NTM: variants seen among roughly 807,000 people sequenced by gnomAD.
The protein encoded by NTM is IgLON family member 2.
NTM carries 13 observed loss-of-function variants against 42.1 expected under a neutral mutation model. That is an observed-to-expected ratio of 0.31 (90% CI 0.20 to 0.49). NTM has a LOEUF of 0.49. Among genes scored for constraint, NTM ranks in the 20% least tolerant of loss-of-function variants. NTM has a pLI of 0.99. For missense variants in NTM, 373 were observed against 452.8 expected (o/e 0.82, Z 1.60); for synonymous variants, 187 against 179.2 (o/e 1.04, Z -0.35).
At chr11:131,434,865 A>G (rs1307593445) in intron 1 of NTM, among the ~76,000 whole-genome samples, 4 of 152,328 alleles carry the variant, frequency 2.6e-5, no homozygotes, top group Non-Finnish European at 4.4e-5. Context: ...GTCCTCGCCC[A>G]TGCCTATGTC....
At chr11:132,189,119 G>A (rs1429330695) in intron 3 of NTM, among the ~76,000 whole-genome samples, 3 of 152,084 alleles carry the variant, frequency 2.0e-5, no homozygotes, top group Non-Finnish European at 4.4e-5. Flanking sequence ...GGCAGGTGGT[G>A]GATGATAGAA....
At chr11:132,220,116 A>G (rs1037474955) in intron 4 of NTM, among the ~76,000 whole-genome samples, 1 of 152,244 alleles carries the variant, frequency 6.6e-6, no homozygotes, top group Non-Finnish European at 1.5e-5. Flanking sequence ...TTGCATCATA[A>G]TGGAAAGTGG....
At chr11:131,588,305 C>G (rs2059060732) in intron 1 of NTM, among the ~76,000 whole-genome samples, 1 of 152,242 alleles carries the variant, frequency 6.6e-6, no homozygotes, top group South Asian at 2.1e-4. Flanking sequence ...ACCCAAGAGA[C>G]AGTGAGAGCT....
intron 1 of NTM, among the ~76,000 whole-genome samples, chr11:131,699,104 A>T (rs541551089): frequency 6.6e-6 from 1 of 152,342 alleles, no homozygotes; most frequent in East Asian, 1.9e-4. Flanking sequence ...CTTGTAAATT[A>T]TACCTTAACA....
In NTM at chr11:131,842,049, G is replaced by A. The variant is rs1005546313; in HGVS notation, c.83-69515G>A. Among the ~76,000 whole-genome samples, 7 of 152,238 alleles carry A rather than the reference G, an allele frequency of 4.6e-5. No homozygotes were observed. The South Asian group carries it at 8.3e-4, about 18-fold the overall frequency. On this transcript the variant is annotated intron_variant, in intron 1 of 8. Transcript: ENST00000683400. ...AGAAACGTATGGATCATACAAAACC[G>A]GTTACCCCAACTTGCACCACATGAG...
chr11:131,552,870 T>C (rs912456944), intron 1 of NTM, among the ~76,000 whole-genome samples: 7 of 151,740 alleles, frequency 4.6e-5, no homozygotes, highest in Admixed American at 2.0e-4. Context: ...ATGTCCATCA[T>C]AGAATGAAGA....
chr11:131,905,148 C>T (rs540149751), intron 1 of NTM, among the ~76,000 whole-genome samples: 1 of 152,334 alleles, frequency 6.6e-6, no homozygotes, highest in African/African-American at 2.4e-5. Flanking sequence ...ATCTCATCCT[C>T]ACAGCAGTAC....
rs115256228 is a variant in NTM, at chr11:131,578,645, C to T, written c.82+207757C>T. ...CAAACTATATGAAATTCAAAATTGG[C>T]TTTGTTACTTCCCAGCTGTGAACCC... On this transcript the variant is annotated intron_variant, in intron 1 of 8. Coordinates refer to ENST00000683400, the MANE Select transcript of NTM (RefSeq NM_001352005.2). 4.6e-3 allele frequency among the ~76,000 whole-genome samples: 707 copies of T among 152,246 alleles called. 6 individuals are homozygous for T. Among genetic ancestry groups the T allele is most frequent in the Middle Eastern group, 0.024 (7 of 292 alleles).
chr11:132,122,543 G>A (rs1490385481), intron 2 of NTM, among the ~76,000 whole-genome samples: 1 of 152,196 alleles, frequency 6.6e-6, no homozygotes. Flanking sequence ...ACCTGGCGGG[G>A]AGGAAAAGAA....
At chr11:131,804,053 C>T (rs940069967) in intron 1 of NTM, among the ~76,000 whole-genome samples, 1 of 152,198 alleles carries the variant, frequency 6.6e-6, no homozygotes, top group Non-Finnish European at 1.5e-5. Context: ...AAATCTGTCT[C>T]TCAGGCCTGC....
intron 1 of NTM, among the ~76,000 whole-genome samples, chr11:131,823,409 T>C (rs1400012105): frequency 2.6e-5 from 4 of 152,160 alleles, no homozygotes; most frequent in African/African-American, 4.8e-5. Context: ...GTTAACTGTA[T>C]TATACACAGA....
At position 131,533,951 on chromosome 11, in the gene NTM, G is replaced by A. The variant is rs141850563; in HGVS notation, c.82+163063G>A. The A allele has an allele frequency of 9.9e-3, 1,515 of 152,408 alleles. 12 individuals are homozygous for A. Among genetic ancestry groups the A allele is most frequent in the South Asian group, 0.019 (93 of 4,822 alleles). The allele number at this position is 152,408 out of a possible 1,614,324, so 9.4% of individuals were successfully genotyped here. On this transcript the variant is annotated intron_variant, in intron 1 of 8. Coordinates refer to ENST00000683400, the MANE Select transcript of NTM (RefSeq NM_001352005.2). ...CCCACCCAGGGAGGGATCCAGGGAC[G>A]CGTGTATTTCTCCGTTCACCTCTCA...
At chr11:131,867,859 A>T in intron 1 of NTM, among the ~76,000 whole-genome samples, 1 of 152,182 alleles carries the variant, frequency 6.6e-6, no homozygotes, top group East Asian at 1.9e-4. Context: ...CACCACCAGC[A>T]GATGGAGCTG....
intron 1 of NTM, among the ~76,000 whole-genome samples, chr11:131,793,531 TG>T (rs2091204920): frequency 6.6e-6 from 1 of 152,220 alleles, no homozygotes; most frequent in South Asian, 2.1e-4. Context: ...GTAGCAGAGA[TG>T]TTAAACAATT....
At chr11:131,795,514 T>G in intron 1 of NTM, 1 of 985,394 alleles carries the variant, frequency 1.0e-6, no homozygotes, top group Non-Finnish European at 1.2e-6. Flanking sequence ...TCTTGTTTAT[T>G]CGTCTGTCTC....
chr11:131,410,350 GTGGT>G (rs1473176160), intron 1 of NTM, among the ~76,000 whole-genome samples: 4 of 151,752 alleles, frequency 2.6e-5, no homozygotes, highest in Non-Finnish European at 4.4e-5. Flanking sequence ...GCCAGGCCTG[GTGGT>G]GCATACCCGT....
At chr11:131,550,626 T>G (rs569638716) in intron 1 of NTM, among the ~76,000 whole-genome samples, 1 of 152,340 alleles carries the variant, frequency 6.6e-6, no homozygotes, top group Admixed American at 6.5e-5. Context: ...CTGTACAGCC[T>G]GTGGAACCAT....
intron 4 of NTM, among the ~76,000 whole-genome samples, chr11:132,304,311 C>T (rs985885339): frequency 6.6e-5 from 10 of 151,854 alleles, no homozygotes; most frequent in African/African-American, 2.2e-4. Flanking sequence ...AGCTGTTGAC[C>T]GTGAAGTTTC....
At chr11:131,750,961 C>T (rs572810785) in intron 1 of NTM, among the ~76,000 whole-genome samples, 1 of 152,222 alleles carries the variant, frequency 6.6e-6, no homozygotes, top group South Asian at 2.1e-4. Flanking sequence ...GAGAGGACAG[C>T]ATTAGCCCAC....
Sources: gnomAD v4.1 joint callset for allele counts (sites outside exome capture counted in the v4.1 genomes callset) on GRCh38, gnomAD v4.1.1 for gene constraint, MANE v1.5 for transcripts, NCBI Gene and HGNC (gene_info 2026-07-23, HGNC 2026-07-21) for gene names.